PTCHD4: variants seen among roughly 807,000 people sequenced by gnomAD.
PTCHD4 encodes the protein patched domain-containing protein 4.
Under a neutral mutation model 58.1 loss-of-function variants are expected in PTCHD4, and 33 were observed. The ratio of observed to expected loss-of-function variants is 0.57; its 90% CI spans 0.43 to 0.76. PTCHD4 has a LOEUF of 0.76. PTCHD4 is among the 30% of genes least tolerant of loss of function. The pLI is 0.00. For missense variants in PTCHD4, 1,058 were observed against 1,027.1 expected (o/e 1.03, Z -0.41); for synonymous variants, 478 against 409.6 (o/e 1.17, Z -2.02).
chr6:47,902,114 C>T (rs1764728838), intron 4 of PTCHD4, among the ~76,000 whole-genome samples: 1 of 152,070 alleles, frequency 6.6e-6, no homozygotes, highest in South Asian at 2.1e-4. Context: ...TCTTCATGTC[C>T]CTCTCACAAT....
chr6:48,076,942 G>A, intron 1 of PTCHD4, among the ~76,000 whole-genome samples: 1 of 152,144 alleles, frequency 6.6e-6, no homozygotes, highest in East Asian at 1.9e-4. Context: ...TATTGTTATG[G>A]GCGCATACTA....
chr6:48,086,943 T>G (rs1055338504), intron 1 of PTCHD4, among the ~76,000 whole-genome samples: 1 of 152,204 alleles, frequency 6.6e-6, no homozygotes, highest in African/African-American at 2.4e-5. Flanking sequence ...ATGCCTTTAG[T>G]TACTATTTTT....
chr6:47,875,195 T>C lies in PTCHD4; in HGVS notation c.*3108A>G, dbSNP rs1763815994. ...AATTTCTTCTCTTCTAGGAGTTGAT[T>C]GGTCATCTGCTGACAACAGATAAGT... On this transcript the variant is annotated 3_prime_UTR_variant, in exon 5 of 5. Coordinates refer to ENST00000339488, the MANE Select transcript of PTCHD4 (RefSeq NM_001384253.1). 6.6e-6 allele frequency among the ~76,000 whole-genome samples: 1 copy of C among 151,892 alleles called. No individual in the cohort carries two copies. The highest frequency in any genetic ancestry group is 2.4e-5 in the African/African-American group (1 of 41,400).
intron 4 of PTCHD4, among the ~76,000 whole-genome samples, chr6:47,896,561 T>C (rs1764536553): frequency 6.6e-6 from 1 of 152,160 alleles, no homozygotes; most frequent in African/African-American, 2.4e-5. Context: ...ATTTTAGGAG[T>C]TAATCTTCCA....
chr6:48,004,996 C>CT (rs1232554183), intron 4 of PTCHD4, among the ~76,000 whole-genome samples: 3 of 152,274 alleles, frequency 2.0e-5, no homozygotes, highest in Admixed American at 2.0e-4. Flanking sequence ...CTCTAATAAT[C>CT]TTTTTTTCTA....
At chr6:47,931,656 T>C (rs1765825944) in intron 4 of PTCHD4, among the ~76,000 whole-genome samples, 1 of 152,216 alleles carries the variant, frequency 6.6e-6, no homozygotes, top group African/African-American at 2.4e-5. Flanking sequence ...TGCTTAAAAA[T>C]AAATATGAAG....
rs1763892342 is a variant in PTCHD4, at chr6:47,878,015, C to T, written c.*288G>A. On this transcript the variant is annotated 3_prime_UTR_variant, in exon 5 of 5. Transcript: ENST00000339488. Reference sequence around the variant, plus strand: ...TTTTAAAAGAAGCTGGTTATTTTGGCCTTCTATCTTAACACTCCATTGATT... The same window carrying T: ...TTTTAAAAGAAGCTGGTTATTTTGGTCTTCTATCTTAACACTCCATTGATT... 4.0e-6 allele frequency: 1 copy of T among 252,768 alleles called. No homozygotes were observed. The highest frequency in any genetic ancestry group is 2.2e-5 in the African/African-American group (1 of 45,090). The allele number at this position is 252,768 out of a possible 1,614,324, so 15.7% of individuals were successfully genotyped here.
At chr6:47,883,047 T>G (rs1581822072) in intron 4 of PTCHD4, among the ~76,000 whole-genome samples, 1 of 151,950 alleles carries the variant, frequency 6.6e-6, no homozygotes, top group African/African-American at 2.4e-5. Context: ...ATTCTAAAAT[T>G]TATTATACAT....
chr6:47,980,590 C>T (rs1238778319), intron 4 of PTCHD4, among the ~76,000 whole-genome samples: 3 of 151,924 alleles, frequency 2.0e-5, no homozygotes, highest in Non-Finnish European at 4.4e-5. Context: ...CTGTTGATAA[C>T]TTCAATGTTA....
intron 3 of PTCHD4, among the ~76,000 whole-genome samples, chr6:48,017,823 A>G (rs1405736074): frequency 6.6e-6 from 1 of 152,166 alleles, no homozygotes; most frequent in African/African-American, 2.4e-5. Flanking sequence ...AATAATTTTT[A>G]TATGTATATA....
Position 47,964,927 on chromosome 6 carries a change from C to A in PTCHD4, c.898+43707G>T, listed in dbSNP as rs377525891. Among the ~76,000 whole-genome samples the A allele has an allele frequency of 1.1e-3, 167 of 152,234 alleles. 1 individual carries two copies. The South Asian group carries it at 0.032, about 29-fold the overall frequency. ...GACAGTATTGTAAGGATTAAAAAAA[C>A]AGCACACTCGAGTGGGTTTTTTGGC... On this transcript the variant is annotated intron_variant, in intron 4 of 4. Transcript: ENST00000339488.
chr6:47,970,518 A>G lies in PTCHD4; in HGVS notation c.898+38116T>C, dbSNP rs564420916. On this transcript the variant is annotated intron_variant, in intron 4 of 4. Transcript: ENST00000339488. ...CCTGAGAAGACCAGGCCTGGTTGAA[A>G]TCTTCTTAAGAGGCAGTTAGACCCA... Among the ~76,000 whole-genome samples the G allele has an allele frequency of 3.3e-5, 5 of 152,244 alleles. No homozygotes were observed. In the South Asian group the frequency reaches 1.0e-3, roughly 32 times the overall value.
intron 3 of PTCHD4, among the ~76,000 whole-genome samples, chr6:48,024,119 T>A (rs146577910): frequency 2.6e-4 from 39 of 152,286 alleles, no homozygotes; most frequent in Admixed American, 5.9e-4. Context: ...TTGATGATAT[T>A]TGATGAGAGA....
rs921750648 is a variant in PTCHD4 at position 47,863,012 on chromosome 6, G to T, written c.*15291C>A. Among the ~76,000 whole-genome samples, 1 of 151,886 alleles carries T rather than the reference G, an allele frequency of 6.6e-6. No individual in the cohort carries two copies. The highest frequency in any genetic ancestry group is 2.4e-5 in the African/African-American group (1 of 41,422). On this transcript the variant is annotated 3_prime_UTR_variant, in exon 5 of 5. Transcript: ENST00000339488. ...TAGGCTTCATTTTGCCAGTGTTGAA[G>T]CCATTTTAATTTCAAGTAGCATTTC...
At chr6:48,027,576 A>G (rs1009482914) in intron 3 of PTCHD4, among the ~76,000 whole-genome samples, 2 of 152,180 alleles carry the variant, frequency 1.3e-5, no homozygotes, top group Non-Finnish European at 2.9e-5. Flanking sequence ...ACAGATATTT[A>G]TTATAAATCT....
chr6:48,031,510 A>C lies in PTCHD4; in HGVS notation c.418-22396T>G, dbSNP rs560651914. Among the ~76,000 whole-genome samples, 5 of 152,256 alleles carry C rather than the reference A, an allele frequency of 3.3e-5. No homozygotes were observed. The South Asian group carries it at 8.3e-4, about 25-fold the overall frequency. On this transcript the variant is annotated intron_variant, in intron 3 of 4. Transcript: ENST00000339488. ...AAGTGTTAAGAATAATTTTTTCATT[A>C]ACAGGATAAAAATGGCATAGGTTAT...
intron 4 of PTCHD4, among the ~76,000 whole-genome samples, chr6:47,970,254 CA>C (rs1173731678): frequency 6.6e-6 from 1 of 151,530 alleles, no homozygotes; most frequent in Admixed American, 6.6e-5. Context: ...ATGTAGCTTT[CA>C]AAAAAATATA....
intron 1 of PTCHD4, among the ~76,000 whole-genome samples, chr6:48,073,217 G>A (rs2210330): frequency 0.17 from 25,439 of 152,070 alleles, 2,263 homozygotes; most frequent in African/African-American, 0.23. Context: ...CAGAATTCAT[G>A]TTTTCTGATA....
intron 3 of PTCHD4, among the ~76,000 whole-genome samples, chr6:48,052,855 T>C (rs1003068681): frequency 6.6e-6 from 1 of 152,048 alleles, no homozygotes; most frequent in Non-Finnish European, 1.5e-5. Context: ...TTTCACCTTA[T>C]GTATCAAGGG....
Sources: allele counts gnomAD v4.1 joint callset (sites outside exome capture counted in the v4.1 genomes callset), GRCh38; gene constraint gnomAD v4.1.1; transcripts MANE v1.5; gene names NCBI Gene and HGNC (gene_info 2026-07-23, HGNC 2026-07-21).